KCNMB2: variants seen among roughly 807,000 people sequenced by gnomAD.
The protein encoded by KCNMB2 is calcium-activated potassium channel subunit beta-2.
A neutral mutation model predicts 24.5 loss-of-function variants in KCNMB2; 9 were observed. The observed-to-expected ratio is 0.37, with a 90% CI of 0.22 to 0.64. KCNMB2 has a LOEUF of 0.64. Among genes scored for constraint, KCNMB2 ranks in the 30% least tolerant of loss-of-function variants. The probability of loss-of-function intolerance (pLI) is 0.63; values close to 1 mark genes in which losing one functional copy is unlikely to be tolerated. For missense variants in KCNMB2, 226 were observed against 284.3 expected (o/e 0.79, Z 1.47); for synonymous variants, 109 against 104.4 (o/e 1.04, Z -0.27).
chr3:178,567,957 G>A (rs9877197), intron 1 of KCNMB2, among the ~76,000 whole-genome samples: 64,721 of 151,946 alleles, frequency 0.43, 15,757 homozygotes, highest in African/African-American at 0.68. Context: ...AATGTATGTG[G>A]CTAACACAGG....
intron 1 of KCNMB2, among the ~76,000 whole-genome samples, chr3:178,718,111 CTTCT>C (rs1722679094): frequency 6.6e-6 from 1 of 152,188 alleles, no homozygotes; most frequent in Non-Finnish European, 1.5e-5. Context: ...ACTTGCTGTC[CTTCT>C]ATCAGCAGGC....
At chr3:178,602,879 G>A (rs1011395065) in intron 1 of KCNMB2, among the ~76,000 whole-genome samples, 1 of 152,212 alleles carries the variant, frequency 6.6e-6, no homozygotes, top group Non-Finnish European at 1.5e-5. Flanking sequence ...AGATGACACA[G>A]ATGCAGCTGG....
At position 178,619,466 on chromosome 3, in the gene KCNMB2, A is replaced by C. The variant is rs150321408; in HGVS notation, c.-68+82755A>C. Reference sequence around the variant, plus strand: ...ATTATCAAAGATTTACAGACTATAAATACCAAGAGGATTAAAATGCTCTTG... The same window carrying C: ...ATTATCAAAGATTTACAGACTATAACTACCAAGAGGATTAAAATGCTCTTG... On this transcript the variant is annotated intron_variant, in intron 1 of 4. Coordinates refer to ENST00000452583, the MANE Select transcript of KCNMB2 (RefSeq NM_181361.3). Among the ~76,000 whole-genome samples the C allele has an allele frequency of 7.7e-4, 118 of 152,346 alleles. 1 individual carries two copies. The East Asian group carries it at 0.021, about 27-fold the overall frequency.
At chr3:178,791,164 T>C (rs1186164046) in intron 1 of KCNMB2, among the ~76,000 whole-genome samples, 2 of 152,182 alleles carry the variant, frequency 1.3e-5, no homozygotes, top group East Asian at 1.9e-4. Context: ...ATGACAGACA[T>C]ATGTGACCTT....
chr3:178,609,951 C>T (rs1718422569), intron 1 of KCNMB2, among the ~76,000 whole-genome samples: 1 of 152,052 alleles, frequency 6.6e-6, no homozygotes, highest in Admixed American at 6.5e-5. Flanking sequence ...TTTGATTTTT[C>T]TGTATGGTAA....
intron 1 of KCNMB2, among the ~76,000 whole-genome samples, chr3:178,694,363 C>T (rs144273659): frequency 6.6e-6 from 1 of 152,266 alleles, no homozygotes; most frequent in African/African-American, 2.4e-5. Context: ...TATTATTCCC[C>T]TCCTGTCCTC....
rs1212044113 is a variant in KCNMB2 at position 178,760,124 on chromosome 3, CTATATATATATATA to C, written c.-67-47215_-67-47202del. ...TATATATATATCCAAGAGGATATATCTATATATATATATATATCCAAGAGGATATATCTATATAT... is the reference window on the plus strand; with the variant it reads ...TATATATATATCCAAGAGGATATATCTATCCAAGAGGATATATCTATATAT... On this transcript the variant is annotated intron_variant, in intron 1 of 4. Coordinates refer to ENST00000452583, the MANE Select transcript of KCNMB2 (RefSeq NM_181361.3). Among the ~76,000 whole-genome samples the C allele has an allele frequency of 1.8e-4, 2 of 11,050 alleles. 1 individual carries two copies. Among genetic ancestry groups the C allele is most frequent in the Non-Finnish European group, 3.2e-4 (2 of 6,240 alleles). The allele number at this position is 11,050 out of a possible 152,430, so 7.2% of individuals were successfully genotyped here.
chr3:178,671,029 G>A (rs1245040806), intron 1 of KCNMB2, among the ~76,000 whole-genome samples: 2 of 152,092 alleles, frequency 1.3e-5, no homozygotes, highest in Non-Finnish European at 2.9e-5. Context: ...AGAAGTTTCA[G>A]ATTCAATCTG....
chr3:178,815,014 C>T (rs1714348359), intron 2 of KCNMB2, among the ~76,000 whole-genome samples: 1 of 141,254 alleles, frequency 7.1e-6, no homozygotes, highest in Non-Finnish European at 1.5e-5. Context: ...GTTCCATTTA[C>T]TTTTGAGCAC....
chr3:178,599,293 T>C lies in KCNMB2; in HGVS notation c.-68+62582T>C, dbSNP rs371171046. ...TAATTGACAAAAATTCAATGTGATA[T>C]AGATCAAATTTTAATACATCAGGGA... is the stretch of plus-strand genomic sequence containing the variant. On this transcript the variant is annotated intron_variant, in intron 1 of 4. Coordinates refer to ENST00000452583, the MANE Select transcript of KCNMB2 (RefSeq NM_181361.3). Among the ~76,000 whole-genome samples the C allele has an allele frequency of 3.2e-4, 49 of 152,302 alleles. No individual in the cohort carries two copies. The South Asian group carries it at 1.0e-2, about 31-fold the overall frequency.
intron 1 of KCNMB2, among the ~76,000 whole-genome samples, chr3:178,765,951 C>T (rs967452374): frequency 2.0e-5 from 3 of 152,096 alleles, no homozygotes; most frequent in Non-Finnish European, 4.4e-5. Context: ...CCAGAGTCTA[C>T]TTTCCTCTGT....
intron 1 of KCNMB2, among the ~76,000 whole-genome samples, chr3:178,796,134 C>A (rs1160929861): frequency 1.3e-5 from 2 of 151,800 alleles, no homozygotes; most frequent in African/African-American, 2.4e-5. Context: ...CTTACAGAAA[C>A]TTGGAAAAAG....
At position 178,800,347 on chromosome 3, in the gene KCNMB2, T is replaced by A. The variant is rs1270128191; in HGVS notation, c.-67-6996T>A. ...AATCTATAGGAAAAAAATCTAATAA[T>A]CTGATTAAAGAATGGGCAACAGTTC... On this transcript the variant is annotated intron_variant, in intron 1 of 4. Transcript: ENST00000452583. Among the ~76,000 whole-genome samples the A allele has an allele frequency of 2.6e-5, 4 of 151,976 alleles. No individual in the cohort carries two copies. The East Asian group carries it at 7.7e-4, about 29-fold the overall frequency.
intron 1 of KCNMB2, among the ~76,000 whole-genome samples, chr3:178,660,772 A>G (rs1187148758): frequency 6.6e-6 from 1 of 152,006 alleles, no homozygotes; most frequent in African/African-American, 2.4e-5. Context: ...AAGACTTCAA[A>G]TCCTGCACAC....
chr3:178,590,834 C>A (rs1717642553), intron 1 of KCNMB2, among the ~76,000 whole-genome samples: 1 of 152,182 alleles, frequency 6.6e-6, no homozygotes, highest in Non-Finnish European at 1.5e-5. Flanking sequence ...ATACTTTAAT[C>A]ACTTTTTAAG....
intron 3 of KCNMB2, among the ~76,000 whole-genome samples, chr3:178,826,461 T>G (rs1181702194): frequency 1.3e-5 from 2 of 152,164 alleles, no homozygotes; most frequent in East Asian, 3.9e-4. Flanking sequence ...TTGCTGTAGG[T>G]GTATTGAATG....
chr3:178,813,177 A>C (rs567971007), intron 2 of KCNMB2, among the ~76,000 whole-genome samples: 1 of 152,290 alleles, frequency 6.6e-6, no homozygotes, highest in Admixed American at 6.5e-5. Context: ...TACATCATTT[A>C]TTAGATTTAT....
chr3:178,787,049 G>A (rs1248314274), intron 1 of KCNMB2, among the ~76,000 whole-genome samples: 2 of 151,996 alleles, frequency 1.3e-5, no homozygotes, highest in African/African-American at 4.8e-5. Flanking sequence ...GAGGCAAAAC[G>A]ACCCCAGTTA....
intron 1 of KCNMB2, among the ~76,000 whole-genome samples, chr3:178,757,935 A>ATCCAAGAGGATATATATATATATC (rs1560006145): frequency 1.5e-5 from 2 of 130,718 alleles, no homozygotes; most frequent in Admixed American, 8.1e-5. Flanking sequence ...ATATATATAT[A>ATCCAAGAGGATATATATATATATC]CACAAGGGGA....
Sources: gnomAD v4.1 joint callset for allele counts (sites outside exome capture counted in the v4.1 genomes callset) on GRCh38, gnomAD v4.1.1 for gene constraint, MANE v1.5 for transcripts, NCBI Gene and HGNC (gene_info 2026-07-23, HGNC 2026-07-21) for gene names.